The following ANKRD42 variants were observed in gnomAD, a reference collection of about 807,000 sequenced individuals.
ANKRD42 encodes ankyrin repeat domain-containing protein 42.
A neutral mutation model predicts 51.5 loss-of-function variants in ANKRD42; 43 were observed. The ratio of observed to expected loss-of-function variants is 0.83; its 90% CI spans 0.65 to 1.08. The LOEUF (loss-of-function observed/expected upper bound fraction) is 1.08, where lower values mean the gene tolerates loss of function less well. Among genes scored for constraint, ANKRD42 ranks in the 50% least tolerant of loss-of-function variants. The pLI is 0.00. For synonymous variants in ANKRD42, 203 were observed against 213.0 expected (o/e 0.95, Z 0.41); for missense variants, 608 against 629.3 (o/e 0.97, Z 0.36).
At chr11:83,242,802 A>T (rs1480599369) in intron 9 of ANKRD42, among the ~76,000 whole-genome samples, 1 of 151,754 alleles carries the variant, frequency 6.6e-6, no homozygotes, top group Non-Finnish European at 1.5e-5. Flanking sequence ...TGACCTTGTG[A>T]TCCACCCGTC....
rs780892505 is a variant in ANKRD42 at position 83,194,401 on chromosome 11, C to T, written c.-270C>T. The T allele has an allele frequency of 1.2e-5, 8 of 667,404 alleles. No individual in the cohort carries two copies. The highest frequency in any genetic ancestry group is 8.2e-5 in the Admixed American group (4 of 48,794). The allele number at this position is 667,404 out of a possible 1,614,324, so 41.3% of individuals were successfully genotyped here. On this transcript the variant is annotated 5_prime_UTR_variant, in exon 1 of 11. Coordinates refer to ENST00000533342, the MANE Select transcript of ANKRD42 (RefSeq NM_001300975.2). ...TTCTTGGGAGGAAGTAAGTGGAGACCGCGGCTACGCAGCCAGCGACTCCTC... is the reference window on the plus strand; with the variant it reads ...TTCTTGGGAGGAAGTAAGTGGAGACTGCGGCTACGCAGCCAGCGACTCCTC...
At chr11:83,255,754 A>ATTTT in intron 11 of ANKRD42, 1 of 924,360 alleles carries the variant, frequency 1.1e-6, no homozygotes, top group Non-Finnish European at 1.6e-6. Flanking sequence ...AGCATGGTTA[A>ATTTT]TTTTTTTTTC....
chr11:83,211,173 A>G (rs1862300067), intron 4 of ANKRD42, 122 bp from the exon 5 acceptor site: 1 of 1,242,390 alleles, frequency 8.0e-7, no homozygotes, highest in Non-Finnish European at 1.2e-6. Context: ...TTTTTCTATT[A>G]AGTGTTTGCC....
At chr11:83,220,081 C>T (rs557773975) in intron 5 of ANKRD42, among the ~76,000 whole-genome samples, 1 of 152,298 alleles carries the variant, frequency 6.6e-6, no homozygotes, top group South Asian at 2.1e-4. Flanking sequence ...TACTCAGTAA[C>T]CCATGCAGGG....
chr11:83,198,691 A>C, intron 2 of ANKRD42, 49 bp downstream of exon 2: 5 of 1,492,194 alleles, frequency 3.4e-6, no homozygotes, highest in Non-Finnish European at 4.5e-6. Context: ...TAGCTATAAC[A>C]GTTTTGTAAA....
At chr11:83,239,098 T>A (rs942101379) in intron 8 of ANKRD42, among the ~76,000 whole-genome samples, 4 of 152,222 alleles carry the variant, frequency 2.6e-5, no homozygotes, top group East Asian at 3.8e-4. Context: ...GGTCTTTTTT[T>A]AATTCTAGTA....
At chr11:83,232,218 C>T (rs1863093411) in intron 7 of ANKRD42, among the ~76,000 whole-genome samples, 1 of 151,574 alleles carries the variant, frequency 6.6e-6, no homozygotes, top group Non-Finnish European at 1.5e-5. Flanking sequence ...TTGATTCTTC[C>T]AGTCTATGAA....
rs763278494 is a variant in ANKRD42 at position 83,194,606 on chromosome 11, G to A, written c.-65G>A. The A allele has an allele frequency of 9.7e-6, 15 of 1,549,196 alleles. No homozygotes were observed. The highest frequency in any genetic ancestry group is 1.2e-5 in the Non-Finnish European group (14 of 1,129,220). On this transcript the variant is annotated 5_prime_UTR_variant, in exon 1 of 11. In the 5' UTR this introduces an upstream ATG that the reference lacks. Transcript: ENST00000533342. ...TGCAGTGGCTCGTGGGTGAGAGCAA[G>A]TGAAGACCGCCGCAGCATCAGGGGC...
At chr11:83,223,606 A>G (rs1008941969) in intron 5 of ANKRD42, among the ~76,000 whole-genome samples, 2 of 152,116 alleles carry the variant, frequency 1.3e-5, no homozygotes, top group African/African-American at 4.8e-5. Context: ...TAAGGAGCTC[A>G]ACTTTTGACA....
chr11:83,228,563 A>T (rs1200445589), intron 7 of ANKRD42, among the ~76,000 whole-genome samples: 1 of 152,204 alleles, frequency 6.6e-6, no homozygotes, highest in East Asian at 1.9e-4. Flanking sequence ...CTCTTAGATT[A>T]AAATGATAGT....
rs188290564 is a variant in ANKRD42, at chr11:83,209,010, C to A, written c.331-1290C>A. Among the ~76,000 whole-genome samples the A allele has an allele frequency of 2.6e-3, 402 of 152,158 alleles. 1 individual carries two copies. Among genetic ancestry groups the A allele is most frequent in the Middle Eastern group, 0.014 (4 of 294 alleles). ...GTATAACCCATATATAGAAACTAGG[C>A]CAATTGCAAATTCAGATGGAACCTC... On this transcript the variant is annotated intron_variant, in intron 3 of 10. Transcript: ENST00000533342.
chr11:83,248,206 T>A lies in ANKRD42; in HGVS notation c.*2T>A. On this transcript the variant is annotated 3_prime_UTR_variant, in exon 11 of 11. Coordinates refer to ENST00000533342, the MANE Select transcript of ANKRD42 (RefSeq NM_001300975.2). Reference sequence around the variant, plus strand: ...AATCCTGGCTATAGTCTTTTTTGATTTGGGCTACTCATTTAACCTTTTTGT... The same window carrying A: ...AATCCTGGCTATAGTCTTTTTTGATATGGGCTACTCATTTAACCTTTTTGT... 6.7e-7 allele frequency: 1 copy of A among 1,494,418 alleles called. No individual in the cohort carries two copies. The highest frequency in any genetic ancestry group is 8.9e-7 in the Non-Finnish European group (1 of 1,124,512). 92.6% of individuals were successfully genotyped at this position (1,494,418 alleles called of 1,614,324 possible).
chr11:83,258,355 AAG>A (rs1863808277), downstream of ANKRD42, among the ~76,000 whole-genome samples: 1 of 151,744 alleles, frequency 6.6e-6, no homozygotes, highest in South Asian at 2.1e-4. Context: ...ACAAAAAAAA[AAG>A]GTTATTAAAG....
At chr11:83,223,110 C>T (rs767816176) in intron 5 of ANKRD42, among the ~76,000 whole-genome samples, 6 of 152,034 alleles carry the variant, frequency 3.9e-5, no homozygotes, top group African/African-American at 1.2e-4. Context: ...AATTGCTGGG[C>T]GTAGTGGCAC....
chr11:83,206,123 A>G lies in ANKRD42; in HGVS notation c.288A>G (p.Ala96=). 3.1e-6 allele frequency: 5 copies of G among 1,614,126 alleles called. No individual in the cohort carries two copies. The highest frequency in any genetic ancestry group is 3.4e-6 in the Non-Finnish European group (4 of 1,179,956). ...ITHVTTRGWT[A]SHIAAIRGQD... ...ACGTAACAACGAGAGGTTGGACAGCATCTCACATAGCTGCAATCAGGGGTC... is the reference window on the plus strand; with the variant it reads ...ACGTAACAACGAGAGGTTGGACAGCGTCTCACATAGCTGCAATCAGGGGTC... Residue 96 remains alanine, a synonymous_variant, in exon 3 of 11, where the codon GCA becomes GCG. Transcript: ENST00000533342.
chr11:83,213,001 C>A (rs769235082), intron 5 of ANKRD42: 11 of 1,599,426 alleles, frequency 6.9e-6, no homozygotes, highest in Admixed American at 5.0e-5. Context: ...TCCTCCTCAG[C>A]ATCATGGCCA....
At chr11:83,233,315 G>T (rs1005687779) in intron 7 of ANKRD42, among the ~76,000 whole-genome samples, 5 of 151,170 alleles carry the variant, frequency 3.3e-5, no homozygotes, top group East Asian at 1.9e-4. Context: ...GTTCAATCTT[G>T]GTAGGTTGTT....
At chr11:83,258,800 CATT>C (rs2308300), downstream of ANKRD42, among the ~76,000 whole-genome samples, 42,090 of 151,740 alleles carry the variant, frequency 0.28, 6,308 homozygotes, top group Non-Finnish European at 0.34. Context: ...AGTTTGACAA[CATT>C]ATAAGCTTTT....
At chr11:83,214,588 T>C in intron 5 of ANKRD42, 1 of 974,268 alleles carries the variant, frequency 1.0e-6, no homozygotes, top group Non-Finnish European at 1.2e-6. Flanking sequence ...CATAAAATTA[T>C]TTTTTATTGA....
Sources: gnomAD v4.1 joint callset for allele counts (sites outside exome capture counted in the v4.1 genomes callset) on GRCh38, gnomAD v4.1.1 for gene constraint, MANE v1.5 for transcripts, NCBI Gene and HGNC (gene_info 2026-07-23, HGNC 2026-07-21) for gene names.